ZNF577: variants seen among roughly 807,000 people sequenced by gnomAD.
ZNF577 encodes zinc finger protein 577.
A neutral mutation model predicts 13.9 loss-of-function variants in ZNF577; 14 were observed. The ratio of observed to expected loss-of-function variants is 1.00; its 90% CI spans 0.66 to 1.57. The LOEUF (loss-of-function observed/expected upper bound fraction) is 1.57. ZNF577 is among the 40% of genes most tolerant of loss of function. The pLI is 0.00. For missense variants in ZNF577, 555 were observed against 579.2 expected (o/e 0.96, Z 0.43); for synonymous variants, 203 against 202.9 (o/e 1.00, Z 0.00).
chr19:51,806,725 T>C (rs1194234209), intron 10 of ZNF577, among the ~76,000 whole-genome samples: 1 of 152,202 alleles, frequency 6.6e-6, no homozygotes, highest in Non-Finnish European at 1.5e-5. Flanking sequence ...TATGAGCAAA[T>C]GATGACAGAC....
rs1271740340 is a variant in ZNF577 at position 51,872,924 on chromosome 19, A to G, written c.1066T>C (p.Cys356Arg). Reference protein sequence around the residue: ...RTHTGERPYSCRECGKAFAHM... With the variant: ...RTHTGERPYSRRECGKAFAHM... ...GCAAAGGCTTTGCCACATTCTCTGC[A>G]TGAATATGGTCTCTCTCCAGTGTGA... Residue 356 changes from cysteine (C) to arginine (R), a missense_variant, in exon 6 of 6, where the codon TGC becomes CGC. Physicochemically the swap from Cys to Arg is radical, Grantham distance 180. Transcript: ENST00000638348. 2 of 1,614,214 alleles carry G rather than the reference A, an allele frequency of 1.2e-6. No individual in the cohort carries two copies. Among genetic ancestry groups the G allele is most frequent in the South Asian group, 1.1e-5 (1 of 91,088 alleles).
At chr19:51,882,028 C>T (rs60981935) in intron 1 of ZNF577, among the ~76,000 whole-genome samples, 16,866 of 152,166 alleles carry the variant, frequency 0.11, 1,000 homozygotes, top group East Asian at 0.22. Context: ...GGTCAAGATG[C>T]AAACCTCCTC....
At chr19:51,882,054 G>C (rs2084869620) in intron 1 of ZNF577, among the ~76,000 whole-genome samples, 1 of 152,146 alleles carries the variant, frequency 6.6e-6, no homozygotes, top group Non-Finnish European at 1.5e-5. Flanking sequence ...TCAATCCTGA[G>C]ACCGCTTCAT....
At chr19:51,827,396 A>G (rs1273028927) in intron 9 of ZNF577, among the ~76,000 whole-genome samples, 7 of 152,276 alleles carry the variant, frequency 4.6e-5, no homozygotes, top group Non-Finnish European at 8.8e-5. Flanking sequence ...GGTACTTGAT[A>G]TGTTTCTTTC....
chr19:51,857,366 G>GAAAA (rs1158352946), intron 5 of ZNF577, among the ~76,000 whole-genome samples: 6 of 20,560 alleles, frequency 2.9e-4, no homozygotes, highest in African/African-American at 1.3e-3. Flanking sequence ...AAGAAGGAAG[G>GAAAA]AAAGAAAGAA....
At chr19:51,875,143 T>C (rs1182500020) in intron 5 of ZNF577, among the ~76,000 whole-genome samples, 2 of 151,626 alleles carry the variant, frequency 1.3e-5, no homozygotes. Context: ...TCGAGGTGGA[T>C]GGGAGGAGTT....
chr19:51,816,842 C>T (rs1384829364), intron 9 of ZNF577, among the ~76,000 whole-genome samples: 1 of 152,170 alleles, frequency 6.6e-6, no homozygotes, highest in African/African-American at 2.4e-5. Context: ...GAATTGGAGA[C>T]TTGCTCTGTT....
At chr19:51,857,365 GGAAAGAAA>G (rs369768303) in intron 5 of ZNF577, among the ~76,000 whole-genome samples, 5,296 of 93,200 alleles carry the variant, frequency 0.057, 146 homozygotes, top group Admixed American at 0.072. Context: ...AAAGAAGGAA[GGAAAGAAA>G]GAAAGAAAGA....
At chr19:51,880,035 C>G (rs17778661) in intron 3 of ZNF577, among the ~76,000 whole-genome samples, 14,678 of 152,176 alleles carry the variant, frequency 0.096, 777 homozygotes, top group East Asian at 0.22. Context: ...GAGGATCATT[C>G]AAAGGTCAAG....
intron 6 of ZNF577, among the ~76,000 whole-genome samples, chr19:51,843,472 A>G (rs16983132): frequency 0.027 from 4,142 of 152,318 alleles, 191 homozygotes; most frequent in African/African-American, 0.095. Flanking sequence ...AGTGGAATAC[A>G]TTAAAAACTA....
rs775577430 is a variant in ZNF577 at position 51,873,665 on chromosome 19, C to A, written c.325G>T (p.Asp109Tyr). Residue 109 changes from aspartate (D) to tyrosine (Y), a missense_variant, in exon 6 of 6, where the codon GAT becomes TAT. Physicochemically the swap from Asp to Tyr is radical, Grantham distance 160. Transcript: ENST00000638348. ...QSRRYAGKDS[D>Y]AFGGYGRSCL... ...GATCTCCCATATCCACCAAATGCAT[C>A]AGAATCTTTTCCTGCATATCTTCTA... 7.4e-6 allele frequency: 12 copies of A among 1,613,554 alleles called. No homozygotes were observed. The highest frequency in any genetic ancestry group is 1.0e-5 in the Non-Finnish European group (12 of 1,179,752).
Position 51,813,093 on chromosome 19 carries a change from T to C in ZNF577, c.*600-1419A>G, listed in dbSNP as rs2084108639. The stretch of plus-strand genomic sequence containing the variant: ...GAGATCACGCCACTGCACTCCAGCA[T>C]GGGTGACAGAGTGATGCTCTGTCTC... On this transcript the variant is annotated intron_variant and NMD_transcript_variant, in intron 9 of 10. Coordinates refer to the ZNF577 transcript ENST00000638827. Among the ~76,000 whole-genome samples, 4 of 150,520 alleles carry C rather than the reference T, an allele frequency of 2.7e-5. No homozygotes were observed. In the South Asian group the frequency reaches 6.3e-4, roughly 24 times the overall value.
intron 9 of ZNF577, among the ~76,000 whole-genome samples, chr19:51,827,585 C>G (rs1418744378): frequency 6.6e-6 from 1 of 152,170 alleles, no homozygotes; most frequent in South Asian, 2.1e-4. Context: ...CTCCAGCCCT[C>G]ATAATATGAA....
chr19:51,822,629 T>A (rs1426280815), intron 9 of ZNF577, among the ~76,000 whole-genome samples: 2 of 152,210 alleles, frequency 1.3e-5, no homozygotes, highest in African/African-American at 2.4e-5. Context: ...ACAGAGCTAC[T>A]ATGCAGACCA....
chr19:51,815,661 G>T (rs1406420669), intron 9 of ZNF577, among the ~76,000 whole-genome samples: 1 of 151,854 alleles, frequency 6.6e-6, no homozygotes, highest in East Asian at 1.9e-4. Context: ...TTAAGCCCAG[G>T]AGTTTGAAAC....
chr19:51,876,322 C>T (rs993801474), intron 5 of ZNF577, among the ~76,000 whole-genome samples: 1 of 151,990 alleles, frequency 6.6e-6, no homozygotes, highest in Non-Finnish European at 1.5e-5. Context: ...TGGTGGCTGG[C>T]GACACGCAGC....
chr19:51,882,923 T>C (rs1351861052), intron 1 of ZNF577, among the ~76,000 whole-genome samples: 3 of 152,074 alleles, frequency 2.0e-5, no homozygotes, highest in African/African-American at 7.2e-5. Context: ...TTCTCCCATA[T>C]GATGTCCTAC....
At chr19:51,814,651 G>T (rs2084121348) in intron 9 of ZNF577, among the ~76,000 whole-genome samples, 1 of 151,922 alleles carries the variant, frequency 6.6e-6, no homozygotes, top group South Asian at 2.1e-4. Flanking sequence ...GTGCCATTCT[G>T]CTGGGCTAAT....
At chr19:51,878,566 G>A (rs199773164) in intron 3 of ZNF577, 51 bp from the exon 4 acceptor site, 50 of 1,604,314 alleles carry the variant, frequency 3.1e-5, no homozygotes, top group Middle Eastern at 3.3e-4. Context: ...TAGATGATGC[G>A]GAGAAGAGGG....
Sources: gnomAD v4.1 joint callset for allele counts (sites outside exome capture counted in the v4.1 genomes callset) on GRCh38, gnomAD v4.1.1 for gene constraint, MANE v1.5 for transcripts, NCBI Gene and HGNC (gene_info 2026-07-23, HGNC 2026-07-21) for gene names.